The following EXT2 variants were observed in gnomAD, a reference collection of about 807,000 sequenced individuals.
The protein encoded by EXT2 is exostosin-2.
EXT2 carries 53 observed loss-of-function variants against 81.6 expected under a neutral mutation model. The ratio of observed to expected loss-of-function variants is 0.65; its 90% confidence interval spans 0.52 to 0.82. The LOEUF is 0.82. EXT2 is among the 40% of genes least tolerant of loss of function. The probability of loss-of-function intolerance (pLI) is 0.00; values close to 1 mark genes in which losing one functional copy is unlikely to be tolerated. For synonymous variants in EXT2, 320 were observed against 340.0 expected, an observed-to-expected ratio of 0.94 and a Z score of 0.65; for missense variants, 774 against 910.2, an observed-to-expected ratio of 0.85 and a Z score of 1.93.
At chr11:44,199,751 C>T (rs1192404021) in intron 9 of EXT2, among the ~76,000 whole-genome samples, 1 of 152,138 alleles carries the variant, frequency 6.6e-6, no homozygotes, top group Non-Finnish European at 1.5e-5. Flanking sequence ...TGATCTAAGC[C>T]TCTACACTGG....
At chr11:44,192,389 G>A (rs1163639745) in intron 8 of EXT2, among the ~76,000 whole-genome samples, 1 of 151,952 alleles carries the variant, frequency 6.6e-6, no homozygotes, top group Admixed American at 6.6e-5. Context: ...TTCCCCACTA[G>A]GTTATGTGTG....
At chr11:44,107,578 T>C in intron 1 of EXT2, 105 bp from the exon 2 acceptor site, 2 of 1,084,438 alleles carry the variant, frequency 1.8e-6, no homozygotes, top group Non-Finnish European at 2.6e-6. Context: ...AGTGAAACCC[T>C]GTCTCAAAAC....
At chr11:44,171,913 A>G (rs1305557284) in intron 8 of EXT2, 171 bp downstream of exon 8, 1 of 929,418 alleles carries the variant, frequency 1.1e-6, no homozygotes, top group African/African-American at 1.6e-5. Flanking sequence ...AAACACTGAC[A>G]AAAGTAAAAA....
intron 7 of EXT2, among the ~76,000 whole-genome samples, chr11:44,151,852 G>A (rs1035406963): frequency 6.6e-6 from 1 of 152,140 alleles, no homozygotes; most frequent in Admixed American, 6.5e-5. Flanking sequence ...GACAGTTCCT[G>A]TTGCCCTACA....
intron 8 of EXT2, among the ~76,000 whole-genome samples, chr11:44,181,095 C>T (rs1417966240): frequency 7.0e-6 from 1 of 142,240 alleles, no homozygotes; most frequent in East Asian, 2.2e-4. Context: ...AGTAAGACTC[C>T]GTCTCAAAAA....
At position 44,149,990 on chromosome 11, in the gene EXT2, G is replaced by A. The variant is rs74372872; in HGVS notation, c.1173+19852G>A. On this transcript the variant is annotated intron_variant, in intron 7 of 13. Coordinates refer to ENST00000533608, the MANE Select transcript of EXT2 (RefSeq NM_207122.2). Reference sequence around the variant, plus strand: ...ATTCAACTTTTTATATGTGGATGGGGCTGCTGCTGATGTTGAGAGTTCTTC... The same window carrying A: ...ATTCAACTTTTTATATGTGGATGGGACTGCTGCTGATGTTGAGAGTTCTTC... Among the ~76,000 whole-genome samples, 588 of 152,334 alleles carry A rather than the reference G, an allele frequency of 3.9e-3. 5 individuals are homozygous for A. Among genetic ancestry groups the A allele is most frequent in the African/African-American group, 0.014 (566 of 41,566 alleles).
intron 10 of EXT2, among the ~76,000 whole-genome samples, chr11:44,217,917 AT>A (rs1955738695): frequency 6.6e-6 from 1 of 152,180 alleles, no homozygotes; most frequent in South Asian, 2.1e-4. Flanking sequence ...AGTGTTGAAC[AT>A]TTTCACCTGA....
At chr11:44,104,973 T>C (rs1954034784) in intron 1 of EXT2, among the ~76,000 whole-genome samples, 2 of 152,236 alleles carry the variant, frequency 1.3e-5, no homozygotes, top group African/African-American at 4.8e-5. Context: ...TTTCATGTAT[T>C]AGTCAATGAT....
intron 9 of EXT2, 199 bp downstream of exon 9, chr11:44,198,217 A>G (rs1390093075): frequency 1.6e-6 from 1 of 629,140 alleles, no homozygotes; most frequent in African/African-American, 1.8e-5. Flanking sequence ...CTCTGTAGCC[A>G]CAAGTGTTTG....
intron 7 of EXT2, among the ~76,000 whole-genome samples, chr11:44,146,307 A>G (rs759214172): frequency 2.6e-5 from 4 of 152,170 alleles, no homozygotes; most frequent in Non-Finnish European, 5.9e-5. Context: ...GGGTGTCAAC[A>G]TGTGAATTTG....
chr11:44,184,758 T>C (rs535385759), intron 8 of EXT2, among the ~76,000 whole-genome samples: 147 of 152,192 alleles, frequency 9.7e-4, no homozygotes, highest in Middle Eastern at 3.4e-3. Flanking sequence ...CTCAAAATAA[T>C]AATAATAATA....
intron 8 of EXT2, among the ~76,000 whole-genome samples, chr11:44,196,405 T>C (rs1955456665): frequency 2.0e-5 from 3 of 152,230 alleles, no homozygotes; most frequent in South Asian, 2.1e-4. Flanking sequence ...AGAACTTCTT[T>C]AATTTCTTTG....
chr11:44,192,931 A>G lies in EXT2; in HGVS notation c.1306-4898A>G, dbSNP rs112220309. 4.6e-3 allele frequency among the ~76,000 whole-genome samples: 695 copies of G among 152,326 alleles called. 10 individuals are homozygous for G. Among genetic ancestry groups the G allele is most frequent in the African/African-American group, 0.016 (667 of 41,552 alleles). On this transcript the variant is annotated intron_variant, in intron 8 of 13. Transcript: ENST00000533608. The stretch of plus-strand genomic sequence containing the variant: ...TCATTTAAATGTACATCAGCTATTC[A>G]TATCTATACATAAGGGGGACTGATA...
In EXT2 at chr11:44,220,540, G is replaced by A. The variant is rs555642541; in HGVS notation, c.1663-11813G>A. Among the ~76,000 whole-genome samples the A allele has an allele frequency of 6.6e-6, 1 of 152,322 alleles. No individual in the cohort carries two copies. Among genetic ancestry groups the A allele is most frequent in the East Asian group, 1.9e-4 (1 of 5,188 alleles). On this transcript the variant is annotated intron_variant, in intron 10 of 13. Coordinates refer to ENST00000533608, the MANE Select transcript of EXT2 (RefSeq NM_207122.2). This position sits in a 1 kb window ranked among gnomAD's most constrained non-coding sequence, Gnocchi z 4.4. ...TTCTGTGAGTGTTCCCACCTGTCAG[G>A]TACAGTTAGAGCTTCCCAAAAGAGA... is the stretch of plus-strand genomic sequence containing the variant.
chr11:44,159,219 ATT>A (rs1464637142), intron 7 of EXT2, among the ~76,000 whole-genome samples: 2 of 149,838 alleles, frequency 1.3e-5, no homozygotes, highest in African/African-American at 2.5e-5. Context: ...ATCCTCAGTC[ATT>A]ATTGCTTCAG....
In EXT2 at chr11:44,108,760, T is replaced by C. The variant is rs2134970135; in HGVS notation, c.537-434T>C. On this transcript the variant is annotated intron_variant, in intron 2 of 13. Coordinates refer to ENST00000533608, the MANE Select transcript of EXT2 (RefSeq NM_207122.2). ...AAATGGGATCACACAGTACATACTC[T>C]TTTGCTTTTTCCCTTAATATATCAT... Among the ~76,000 whole-genome samples, 5 of 152,332 alleles carry C rather than the reference T, an allele frequency of 3.3e-5. No individual in the cohort carries two copies. In the South Asian group the frequency reaches 1.0e-3, roughly 32 times the overall value.
chr11:44,176,922 TAAAA>T (rs35564934), intron 8 of EXT2, among the ~76,000 whole-genome samples: 2 of 131,854 alleles, frequency 1.5e-5, no homozygotes, highest in Non-Finnish European at 3.2e-5. Flanking sequence ...TAGTTTAATG[TAAAA>T]AAAAAAAAAA....
At chr11:44,105,474 T>A (rs1233681034) in intron 1 of EXT2, among the ~76,000 whole-genome samples, 1 of 152,154 alleles carries the variant, frequency 6.6e-6, no homozygotes. Flanking sequence ...GTATTTTTAG[T>A]AGAGACAGGG....
intron 7 of EXT2, among the ~76,000 whole-genome samples, chr11:44,141,434 G>A (rs1486793418): frequency 6.6e-6 from 1 of 152,106 alleles, no homozygotes; most frequent in Non-Finnish European, 1.5e-5. Context: ...GCAAAACAAA[G>A]CAAAATGCCC....
Sources: gnomAD v4.1 joint callset for allele counts (sites outside exome capture counted in the v4.1 genomes callset) on GRCh38, gnomAD v4.1.1 for gene constraint, Gnocchi (gnomAD v3.1) non-coding constraint, MANE v1.5 for transcripts, NCBI Gene and HGNC (gene_info 2026-07-23, HGNC 2026-07-21) for gene names.